ATP6V1H: variants seen among roughly 807,000 people sequenced by gnomAD.
ATP6V1H encodes ATPase H+ transporting V1 subunit H.
A neutral mutation model predicts 71.7 loss-of-function variants in ATP6V1H; 39 were observed. The observed-to-expected ratio is 0.54, with a 90% CI of 0.42 to 0.71. The LOEUF (loss-of-function observed/expected upper bound fraction) is 0.71, where lower values mean the gene tolerates loss of function less well. ATP6V1H is among the 30% of genes least tolerant of loss of function. The probability of loss-of-function intolerance (pLI) is 0.00; values close to 1 mark genes in which losing one functional copy is unlikely to be tolerated. For missense variants in ATP6V1H, 509 were observed against 594.9 expected (o/e 0.86, Z 1.50); for synonymous variants, 192 against 199.3 (o/e 0.96, Z 0.31).
intron 11 of ATP6V1H, among the ~76,000 whole-genome samples, chr8:53,762,920 T>C (rs1324211847): frequency 1.3e-5 from 2 of 152,232 alleles, no homozygotes; most frequent in Non-Finnish European, 2.9e-5. Flanking sequence ...ACAAGGAGGA[T>C]GAAGACCTTT....
At chr8:53,717,174 G>A (rs1200932763) in intron 13 of ATP6V1H, among the ~76,000 whole-genome samples, 3 of 152,226 alleles carry the variant, frequency 2.0e-5, no homozygotes, top group Non-Finnish European at 4.4e-5. Flanking sequence ...CTCCACAGTG[G>A]TCCAGAAGAG....
chr8:53,718,701 G>A (rs751588275), intron 13 of ATP6V1H, among the ~76,000 whole-genome samples: 11 of 152,228 alleles, frequency 7.2e-5, no homozygotes, highest in Non-Finnish European at 1.0e-4. Context: ...GCTCACTCTC[G>A]TTTATTCGTA....
chr8:53,748,384 T>G (rs995668621), intron 12 of ATP6V1H, among the ~76,000 whole-genome samples: 1 of 152,224 alleles, frequency 6.6e-6, no homozygotes, highest in Non-Finnish European at 1.5e-5. Context: ...TAGTCTATAT[T>G]CAATAATGTT....
chr8:53,772,544 A>C (rs1243968410), intron 9 of ATP6V1H, among the ~76,000 whole-genome samples: 5 of 152,024 alleles, frequency 3.3e-5, no homozygotes, highest in Non-Finnish European at 7.4e-5. Context: ...TGTTTCTTCA[A>C]GTTTGCAATC....
At chr8:53,756,784 A>C in intron 11 of ATP6V1H, 128 bp from the exon 12 acceptor site, 1 of 582,594 alleles carries the variant, frequency 1.7e-6, no homozygotes. Flanking sequence ...TCTTCTAAGG[A>C]TTTCACTATT....
At chr8:53,789,496 A>G (rs538337115) in intron 9 of ATP6V1H, among the ~76,000 whole-genome samples, 1 of 152,290 alleles carries the variant, frequency 6.6e-6, no homozygotes, top group Non-Finnish European at 1.5e-5. Context: ...AAGAAAAAAA[A>G]TTATTAATAC....
chr8:53,767,219 T>C lies in ATP6V1H; in HGVS notation c.1175+2399A>G, dbSNP rs138736300. ...AATCCTAATGCAAACTATGTATGAA[T>C]TTTAGTTAATAATAACATATCAATA... On this transcript the variant is annotated intron_variant, in intron 11 of 13. Coordinates refer to ENST00000359530, the MANE Select transcript of ATP6V1H (RefSeq NM_015941.4). 2.2e-3 allele frequency among the ~76,000 whole-genome samples: 334 copies of C among 152,340 alleles called. 1 individual carries two copies. Among genetic ancestry groups the C allele is most frequent in the African/African-American group, 7.8e-3 (323 of 41,582 alleles).
intron 13 of ATP6V1H, among the ~76,000 whole-genome samples, chr8:53,736,284 C>T (rs1807200670): frequency 6.6e-6 from 1 of 152,150 alleles, no homozygotes; most frequent in African/African-American, 2.4e-5. Context: ...AGCATATAAA[C>T]CAAAAGTTAC....
chr8:53,831,544 C>T (rs1811006791), intron 3 of ATP6V1H, among the ~76,000 whole-genome samples: 1 of 152,086 alleles, frequency 6.6e-6, no homozygotes, highest in South Asian at 2.1e-4. Flanking sequence ...AAATGTGTAA[C>T]ACTATTACGT....
chr8:53,777,875 G>C (rs1433081382), intron 9 of ATP6V1H, among the ~76,000 whole-genome samples: 1 of 152,162 alleles, frequency 6.6e-6, no homozygotes, highest in Non-Finnish European at 1.5e-5. Flanking sequence ...CAAGTGGAAA[G>C]CTGAGTGTCC....
intron 6 of ATP6V1H, 60 bp from the exon 7 acceptor site, chr8:53,811,277 G>T: frequency 6.8e-7 from 1 of 1,469,888 alleles, no homozygotes; most frequent in Non-Finnish European, 9.5e-7. Context: ...TAATGTATCA[G>T]CTTACAAAAG....
intron 9 of ATP6V1H, among the ~76,000 whole-genome samples, chr8:53,785,029 T>C (rs1159339771): frequency 3.3e-5 from 5 of 152,138 alleles, no homozygotes; most frequent in Admixed American, 3.3e-4. Context: ...GAGTTGCTCT[T>C]CTCGAGGAGT....
chr8:53,730,136 A>G (rs1806967924), intron 13 of ATP6V1H, among the ~76,000 whole-genome samples: 1 of 152,172 alleles, frequency 6.6e-6, no homozygotes. Flanking sequence ...GGAGGTGGAA[A>G]ACACTACTGC....
chr8:53,748,507 T>C lies in ATP6V1H; in HGVS notation c.1278-4817A>G, dbSNP rs574291810. On this transcript the variant is annotated intron_variant, in intron 12 of 13. Coordinates refer to ENST00000359530, the MANE Select transcript of ATP6V1H (RefSeq NM_015941.4). ...ATTCTGTTTTCTTAATAATGAAAAT[T>C]TGGAAACTAATTGCATGCCCAGTAG... is the stretch of plus-strand genomic sequence containing the variant. Among the ~76,000 whole-genome samples, 5 of 152,310 alleles carry C rather than the reference T, an allele frequency of 3.3e-5. No individual in the cohort carries two copies. The South Asian group carries it at 1.0e-3, about 32-fold the overall frequency.
rs1197889332 is a variant in ATP6V1H at position 53,843,017 on chromosome 8, C to G, written c.-36+17G>C. 6.6e-6 allele frequency: 1 copy of G among 152,308 alleles called. No individual in the cohort carries two copies. Among genetic ancestry groups the G allele is most frequent in the Non-Finnish European group, 1.5e-5 (1 of 68,114 alleles). The allele number at this position is 152,308 out of a possible 1,614,324, so 9.4% of individuals were successfully genotyped here. Reference sequence around the variant, plus strand: ...TGGTCTGCAGCCTGAGACCAAACAACGCGAGGGCGGCCTTACCTCGCGAAT... The same window carrying G: ...TGGTCTGCAGCCTGAGACCAAACAAGGCGAGGGCGGCCTTACCTCGCGAAT... On this transcript the variant is annotated intron_variant, in intron 1 of 13. Coordinates refer to ENST00000359530, the MANE Select transcript of ATP6V1H (RefSeq NM_015941.4).
At chr8:53,758,071 CA>C (rs1168930348) in intron 11 of ATP6V1H, among the ~76,000 whole-genome samples, 25 of 152,250 alleles carry the variant, frequency 1.6e-4, no homozygotes, top group African/African-American at 5.8e-4. Flanking sequence ...TCTCTGCCTT[CA>C]AGATGAAACA....
chr8:53,730,633 T>C (rs1247505539), intron 13 of ATP6V1H, among the ~76,000 whole-genome samples: 1 of 152,178 alleles, frequency 6.6e-6, no homozygotes, highest in Non-Finnish European at 1.5e-5. Flanking sequence ...TGCAGGGTCA[T>C]AATGTCTGCC....
chr8:53,723,541 G>A (rs973115438), intron 13 of ATP6V1H, among the ~76,000 whole-genome samples: 3 of 152,178 alleles, frequency 2.0e-5, no homozygotes, highest in African/African-American at 7.2e-5. Flanking sequence ...AGAACATCAA[G>A]GCAAAGATGG....
At chr8:53,796,346 C>A (rs1809736037) in intron 8 of ATP6V1H, among the ~76,000 whole-genome samples, 1 of 152,018 alleles carries the variant, frequency 6.6e-6, no homozygotes. Context: ...TCAGTTTGAT[C>A]AAATTTCTAG....
Sources: gnomAD v4.1 joint callset for allele counts (sites outside exome capture counted in the v4.1 genomes callset) on GRCh38, gnomAD v4.1.1 for gene constraint, MANE v1.5 for transcripts, NCBI Gene and HGNC (gene_info 2026-07-23, HGNC 2026-07-21) for gene names.